The following DHRSX variants were observed in gnomAD, a reference collection of about 807,000 sequenced individuals.
DHRSX encodes the protein polyprenol dehydrogenase.
Under a neutral mutation model 34.0 loss-of-function variants are expected in DHRSX, and 31 were observed. The ratio of observed to expected loss-of-function variants is 0.91; its 90% CI spans 0.69 to 1.23. The LOEUF (loss-of-function observed/expected upper bound fraction) is 1.23, where lower values mean the gene tolerates loss of function less well. Among genes scored for constraint, DHRSX ranks in the 50% most tolerant of loss-of-function variants. The pLI, the probability that DHRSX is intolerant of heterozygous loss-of-function variation, is 0.00. For missense variants in DHRSX, 414 were observed against 428.1 expected, an observed-to-expected ratio of 0.97 and a Z score of 0.29; for synonymous variants, 201 against 183.8, an observed-to-expected ratio of 1.09 and a Z score of -0.76.
At chrX:2,397,588 G>A (rs1477808371) in intron 3 of DHRSX, among the ~76,000 whole-genome samples, 1 of 151,160 alleles carries the variant, frequency 6.6e-6, no homozygotes, top group Non-Finnish European at 1.5e-5. Flanking sequence ...AAAAACAACA[G>A]TAACACAGCC....
At chrX:2,374,903 C>T (rs1227205628) in intron 3 of DHRSX, among the ~76,000 whole-genome samples, 1 of 136,732 alleles carries the variant, frequency 7.3e-6, no homozygotes, top group East Asian at 2.0e-4. Context: ...GAGACCCTGT[C>T]TCTATAAAAA....
chrX:2,359,452 T>C (rs192742914), intron 3 of DHRSX, among the ~76,000 whole-genome samples: 1 of 151,712 alleles, frequency 6.6e-6, no homozygotes, highest in Admixed American at 6.6e-5. Context: ...CCAAGGCGGG[T>C]GGATCGCGAG....
chrX:2,427,977 C>T (rs1346924508), intron 1 of DHRSX, among the ~76,000 whole-genome samples: 1 of 152,002 alleles, frequency 6.6e-6, no homozygotes, highest in Non-Finnish European at 1.5e-5. Context: ...GAACTGGAGG[C>T]CATTATCCTA....
chrX:2,485,714 CGG>C (rs1172439284), intron 1 of DHRSX, among the ~76,000 whole-genome samples: 1,870 of 54,718 alleles, frequency 0.034, 260 homozygotes, highest in African/African-American at 0.17. Flanking sequence ...AGGGAGGGAA[CGG>C]AGAGAAGGAA....
intron 3 of DHRSX, 107 bp from the exon 4 acceptor site, chrX:2,291,710 T>TAG: frequency 1.8e-6 from 1 of 563,318 alleles, no homozygotes; most frequent in South Asian, 2.0e-5. Context: ...GAAGTAACAC[T>TAG]TTTTTTTTTT....
intron 1 of DHRSX, among the ~76,000 whole-genome samples, chrX:2,428,773 A>G (rs1373270216): frequency 1.3e-5 from 2 of 152,204 alleles, no homozygotes; most frequent in Non-Finnish European, 1.5e-5. Flanking sequence ...GTATAATAAA[A>G]TAAAATAAAA....
chrX:2,343,930 G>A (rs1333008999), intron 3 of DHRSX, among the ~76,000 whole-genome samples: 7 of 152,236 alleles, frequency 4.6e-5, no homozygotes, highest in Non-Finnish European at 8.8e-5. Flanking sequence ...AAATGCTGCC[G>A]GCACACAGGC....
At chrX:2,333,761 G>A (rs2042513646) in intron 3 of DHRSX, among the ~76,000 whole-genome samples, 1 of 151,960 alleles carries the variant, frequency 6.6e-6, no homozygotes, top group South Asian at 2.1e-4. Flanking sequence ...TCACCCTCAA[G>A]CAGACCCCAA....
At chrX:2,372,406 C>G (rs937753883) in intron 3 of DHRSX, among the ~76,000 whole-genome samples, 1 of 152,162 alleles carries the variant, frequency 6.6e-6, no homozygotes, top group Non-Finnish European at 1.5e-5. Context: ...TCACACGAAC[C>G]GCTGGGGGAA....
At chrX:2,284,863 A>G (rs761076696) in intron 4 of DHRSX, among the ~76,000 whole-genome samples, 1 of 152,202 alleles carries the variant, frequency 6.6e-6, no homozygotes, top group Non-Finnish European at 1.5e-5. Flanking sequence ...AAGATATTCT[A>G]TGTCTGAAGT....
At chrX:2,389,711 T>A (rs2043312972) in intron 3 of DHRSX, among the ~76,000 whole-genome samples, 1 of 152,218 alleles carries the variant, frequency 6.6e-6, no homozygotes, top group Non-Finnish European at 1.5e-5. Flanking sequence ...ATCTCCCTGA[T>A]CTGGCCTTTT....
chrX:2,359,552 C>T (rs1441908975), intron 3 of DHRSX, among the ~76,000 whole-genome samples: 47 of 152,050 alleles, frequency 3.1e-4, no homozygotes, highest in Admixed American at 2.9e-3. Context: ...TGGGGGCGTG[C>T]ACCTGTAATC....
chrX:2,345,294 T>C (rs973575694), intron 3 of DHRSX, among the ~76,000 whole-genome samples: 6 of 151,942 alleles, frequency 3.9e-5, no homozygotes, highest in Admixed American at 3.3e-4. Flanking sequence ...TCAGGAGACT[T>C]TGAGTAAAGG....
intron 3 of DHRSX, among the ~76,000 whole-genome samples, chrX:2,331,536 C>G (rs2042478151): frequency 6.7e-6 from 1 of 148,214 alleles, no homozygotes; most frequent in African/African-American, 2.5e-5. Context: ...CAACCTCCAC[C>G]TCCCAGGTTC....
At chrX:2,284,928 A>G (rs1381734135) in intron 4 of DHRSX, among the ~76,000 whole-genome samples, 1 of 152,202 alleles carries the variant, frequency 6.6e-6, no homozygotes, top group Non-Finnish European at 1.5e-5. Context: ...AAAAGCACGA[A>G]GTGTAGCTCC....
At chrX:2,366,017 A>T (rs2042990766) in intron 3 of DHRSX, among the ~76,000 whole-genome samples, 2 of 152,094 alleles carry the variant, frequency 1.3e-5, no homozygotes, top group African/African-American at 4.8e-5. Flanking sequence ...CCCTCTGCCC[A>T]ATGTCTTTCC....
chrX:2,432,105 G>A (rs1338898686), intron 1 of DHRSX, among the ~76,000 whole-genome samples: 5 of 152,032 alleles, frequency 3.3e-5, no homozygotes, highest in Admixed American at 3.3e-4. Flanking sequence ...GAGGCAGGAG[G>A]ATCGCTTGAA....
intron 1 of DHRSX, among the ~76,000 whole-genome samples, chrX:2,495,043 A>C (rs1484246848): frequency 6.6e-6 from 1 of 151,496 alleles, no homozygotes; most frequent in East Asian, 1.9e-4. Context: ...TTTATATTCT[A>C]TTGTCATTAT....
intron 4 of DHRSX, among the ~76,000 whole-genome samples, chrX:2,277,340 GAA>G (rs766796043): frequency 1.0e-3 from 4 of 3,902 alleles, no homozygotes; most frequent in African/African-American, 3.4e-3. Flanking sequence ...ATGGGGGAAA[GAA>G]AGAGAAAGAG....
Sources: gnomAD v4.1 joint callset for allele counts (sites outside exome capture counted in the v4.1 genomes callset) on GRCh38, gnomAD v4.1.1 for gene constraint, MANE v1.5 for transcripts, NCBI Gene and HGNC (gene_info 2026-07-23, HGNC 2026-07-21) for gene names.